The following RGS9 variants were observed in gnomAD, a reference collection of about 807,000 sequenced individuals.
RGS9 encodes the protein regulator of G protein signaling 9.
RGS9 carries 78 observed loss-of-function variants against 102.0 expected under a neutral mutation model. The observed-to-expected ratio is 0.76, with a 90% CI of 0.64 to 0.92. The LOEUF (loss-of-function observed/expected upper bound fraction) is 0.92. Among genes scored for constraint, RGS9 ranks in the 40% least tolerant of loss-of-function variants. RGS9 has a pLI of 0.00. For missense variants in RGS9, 833 were observed against 866.1 expected (o/e 0.96, Z 0.48); for synonymous variants, 353 against 318.6 (o/e 1.11, Z -1.15).
At chr17:65,209,451 G>A (rs60264965) in intron 16 of RGS9, among the ~76,000 whole-genome samples, 4,279 of 152,246 alleles carry the variant, frequency 0.028, 209 homozygotes, top group African/African-American at 0.096. Flanking sequence ...GTATGTTGCA[G>A]GTCTTTGTCT....
chr17:65,142,202 C>A (rs1328196612), intron 1 of RGS9, among the ~76,000 whole-genome samples: 3 of 152,172 alleles, frequency 2.0e-5, no homozygotes, highest in African/African-American at 7.2e-5. Flanking sequence ...TGAGATCATG[C>A]CACCGCACTC....
At chr17:65,200,975 T>C (rs1198288058) in intron 13 of RGS9, among the ~76,000 whole-genome samples, 1 of 152,176 alleles carries the variant, frequency 6.6e-6, no homozygotes, top group African/African-American at 2.4e-5. Context: ...AGTTAAGTTT[T>C]TGGATTTTCT....
In RGS9 at chr17:65,225,008, C is replaced by A. The variant is rs1314754567; in HGVS notation, c.1414C>A (p.Gln472Lys). 1 of 1,613,754 alleles carries A rather than the reference C, an allele frequency of 6.2e-7. No individual in the cohort carries two copies. Among genetic ancestry groups the A allele is most frequent in the Non-Finnish European group, 8.5e-7 (1 of 1,180,004 alleles). The change falls in exon 18 of 19, where the codon CAG becomes AAG. Residue 472 changes from glutamine to lysine, a missense_variant. This residue lies in a region of RGS9 where 185 missense variants were observed against 248.7 expected (regional missense o/e 0.74). Coordinates refer to ENST00000262406, the MANE Select transcript of RGS9 (RefSeq NM_003835.4). ...CTCCTTTCCTTCTCTACAGCCGGGC[C>A]AGCACATGGCTCCCAGCCCCCATCT... ...ANTVDITQPG[Q>K]HMAPSPHLTV...
chr17:65,176,126 C>G (rs1432382077), intron 8 of RGS9, among the ~76,000 whole-genome samples: 1 of 152,150 alleles, frequency 6.6e-6, no homozygotes, highest in Non-Finnish European at 1.5e-5. Context: ...TGGGTGGATG[C>G]CTGGCATCAC....
chr17:65,223,782 G>T (rs1395035201), intron 17 of RGS9, among the ~76,000 whole-genome samples: 5 of 140,512 alleles, frequency 3.6e-5, no homozygotes, highest in Non-Finnish European at 6.2e-5. Context: ...ATGGAGTTTT[G>T]CTCTGTCACC....
At chr17:65,212,379 G>C (rs1174100334) in intron 17 of RGS9, among the ~76,000 whole-genome samples, 5 of 152,228 alleles carry the variant, frequency 3.3e-5, no homozygotes, top group African/African-American at 4.8e-5. Context: ...TACTGGGATA[G>C]GAAAGATGGG....
At chr17:65,155,442 C>A (rs1171807734) in intron 2 of RGS9, among the ~76,000 whole-genome samples, 1 of 152,178 alleles carries the variant, frequency 6.6e-6, no homozygotes, top group Non-Finnish European at 1.5e-5. Context: ...TATTGTCTGT[C>A]CTTGTGTGGA....
Position 65,137,540 on chromosome 17 carries a change from G to T in RGS9, c.-1G>T, listed in dbSNP as rs760711751. On this transcript the variant is annotated 5_prime_UTR_variant, in exon 1 of 19. Transcript: ENST00000262406. The stretch of plus-strand genomic sequence containing the variant: ...GGCTGTGAATCCATCCAGGGGCCAG[G>T]ATGACAATCCGACACCAAGGCCAGC... 1.6e-5 allele frequency: 25 copies of T among 1,611,970 alleles called. 1 individual carries two copies. In the South Asian group the frequency reaches 2.7e-4, roughly 18 times the overall value.
intron 8 of RGS9, among the ~76,000 whole-genome samples, chr17:65,170,294 C>T (rs141031462): frequency 0.029 from 4,446 of 152,250 alleles, 212 homozygotes; most frequent in African/African-American, 0.099. Context: ...ACCTCGTGAT[C>T]TGCCTGCCTC....
At chr17:65,152,051 A>G (rs113502385) in intron 1 of RGS9, among the ~76,000 whole-genome samples, 4,508 of 152,250 alleles carry the variant, frequency 0.03, 205 homozygotes, top group African/African-American at 0.1. Context: ...ATGTTTGAAG[A>G]CCACACATGC....
chr17:65,159,436 A>G (rs1910894959), intron 3 of RGS9, among the ~76,000 whole-genome samples: 1 of 152,164 alleles, frequency 6.6e-6, no homozygotes, highest in African/African-American at 2.4e-5. Context: ...ACAATGAGGC[A>G]TACAACTTTA....
chr17:65,226,566 C>T (rs1905689898), intron 18 of RGS9, among the ~76,000 whole-genome samples: 2 of 151,540 alleles, frequency 1.3e-5, no homozygotes, highest in Admixed American at 1.3e-4. Flanking sequence ...AAAAGGCTCT[C>T]TTCTCAAGGG....
At chr17:65,181,297 A>T (rs575924991) in intron 9 of RGS9, among the ~76,000 whole-genome samples, 3 of 152,316 alleles carry the variant, frequency 2.0e-5, no homozygotes, top group African/African-American at 7.2e-5. Flanking sequence ...CCTTGCCAGC[A>T]TCTGTTATTT....
At chr17:65,190,919 T>G (rs1475287340) in intron 11 of RGS9, among the ~76,000 whole-genome samples, 1 of 152,252 alleles carries the variant, frequency 6.6e-6, no homozygotes, top group Admixed American at 6.5e-5. Flanking sequence ...ATTCTGACTG[T>G]GTAAGACTCA....
intron 8 of RGS9, among the ~76,000 whole-genome samples, chr17:65,170,256 T>C (rs1911362940): frequency 6.6e-6 from 1 of 152,106 alleles, no homozygotes; most frequent in Admixed American, 6.5e-5. Context: ...GGTTTCACCA[T>C]GTTGGTCAGC....
intron 18 of RGS9, 35 bp downstream of exon 18, chr17:65,225,521 G>A (rs758780431): frequency 1.7e-4 from 265 of 1,599,260 alleles, no homozygotes; most frequent in African/African-American, 2.9e-4. Flanking sequence ...GTATGCATGG[G>A]TGGCTGTGGG....
chr17:65,210,947 G>A (rs181249362), intron 17 of RGS9, among the ~76,000 whole-genome samples: 1 of 152,120 alleles, frequency 6.6e-6, no homozygotes, highest in African/African-American at 2.4e-5. Context: ...AGTTCTTAGG[G>A]GAACTATGAA....
At chr17:65,185,932 T>C (rs1026051360) in intron 9 of RGS9, among the ~76,000 whole-genome samples, 2 of 152,126 alleles carry the variant, frequency 1.3e-5, no homozygotes, top group Non-Finnish European at 2.9e-5. Context: ...CCAGGATGCA[T>C]CTGTGTGCGT....
rs1555617643 is a variant in RGS9 at position 65,215,497 on chromosome 17, G to GTTCTTTCGTTCT, written c.1407+4899_1407+4900insGTTCTTTCTTTC. On this transcript the variant is annotated intron_variant, in intron 17 of 18. Coordinates refer to ENST00000262406, the MANE Select transcript of RGS9 (RefSeq NM_003835.4). ...TTCTCTATCTTTCTTTCGTTCTTTC[G>GTTCTTTCGTTCT]TTCTTTCTTTCTTTCTTTCTTTCTT... Among the ~76,000 whole-genome samples, 12 of 133,648 alleles carry GTTCTTTCGTTCT rather than the reference G, an allele frequency of 9.0e-5. No homozygotes were observed. The East Asian group carries it at 2.1e-3, about 23-fold the overall frequency. 87.7% of individuals were successfully genotyped at this position (133,648 alleles called of 152,430 possible).
Sources: allele counts gnomAD v4.1 joint callset (sites outside exome capture counted in the v4.1 genomes callset), GRCh38; gene constraint gnomAD v4.1.1; regional missense constraint gnomAD v4.1.1; transcripts MANE v1.5; gene names NCBI Gene and HGNC (gene_info 2026-07-23, HGNC 2026-07-21).